The following EPHA3 variants were observed in gnomAD, a reference collection of about 807,000 sequenced individuals.
EPHA3 encodes the protein EPH receptor A3.
A neutral mutation model predicts 107.1 loss-of-function variants in EPHA3; 42 were observed. The ratio of observed to expected loss-of-function variants is 0.39; its 90% confidence interval spans 0.31 to 0.51. The LOEUF is 0.51. Ranked by LOEUF, EPHA3 falls within the 20% of genes least tolerant of loss-of-function variation. The probability of loss-of-function intolerance (pLI) is 0.78; values close to 1 mark genes in which losing one functional copy is unlikely to be tolerated. For synonymous variants in EPHA3, 461 were observed against 424.8 expected (o/e 1.09, Z -1.05); for missense variants, 1,183 against 1,211.2 (o/e 0.98, Z 0.35).
chr3:89,251,818 G>A (rs1485437458), intron 3 of EPHA3, among the ~76,000 whole-genome samples: 1 of 152,004 alleles, frequency 6.6e-6, no homozygotes, highest in Non-Finnish European at 1.5e-5. Context: ...AGATTGATTA[G>A]CATCACAGCC....
intron 1 of EPHA3, among the ~76,000 whole-genome samples, chr3:89,108,619 A>T (rs959393441): frequency 6.6e-6 from 1 of 152,168 alleles, no homozygotes; most frequent in Non-Finnish European, 1.5e-5. Flanking sequence ...CATTTCCTTG[A>T]TGTTGTGTTA....
intron 13 of EPHA3, among the ~76,000 whole-genome samples, chr3:89,443,269 C>T (rs1709818757): frequency 1.3e-5 from 2 of 152,064 alleles, no homozygotes; most frequent in African/African-American, 2.4e-5. Flanking sequence ...ATCTTTATAG[C>T]ATTCTACGAA....
At chr3:89,373,476 G>A (rs1431142086) in intron 5 of EPHA3, among the ~76,000 whole-genome samples, 1 of 151,790 alleles carries the variant, frequency 6.6e-6, no homozygotes, top group Non-Finnish European at 1.5e-5. Flanking sequence ...TTGTGAAATG[G>A]CAATGTTATT....
At chr3:89,173,076 G>A (rs1705243104) in intron 2 of EPHA3, among the ~76,000 whole-genome samples, 1 of 152,072 alleles carries the variant, frequency 6.6e-6, no homozygotes, top group Admixed American at 6.6e-5. Context: ...TACATAGGTA[G>A]AGATAGATAT....
intron 15 of EPHA3, among the ~76,000 whole-genome samples, chr3:89,469,720 CATTAT>C (rs1710363640): frequency 6.6e-6 from 1 of 152,130 alleles, no homozygotes; most frequent in Non-Finnish European, 1.5e-5. Context: ...ATATGTAAAA[CATTAT>C]ACAGTTTTAT....
chr3:89,233,196 C>T (rs1704677472), intron 3 of EPHA3, among the ~76,000 whole-genome samples: 1 of 151,756 alleles, frequency 6.6e-6, no homozygotes, highest in Non-Finnish European at 1.5e-5. Flanking sequence ...TATATTTTAG[C>T]CTATGTCTGA....
chr3:89,373,239 T>A (rs1000451011), intron 5 of EPHA3, among the ~76,000 whole-genome samples: 14 of 151,870 alleles, frequency 9.2e-5, no homozygotes, highest in African/African-American at 2.7e-4. Context: ...TTTCTTGTTG[T>A]TTTTTGTCAT....
intron 2 of EPHA3, among the ~76,000 whole-genome samples, chr3:89,166,944 C>T (rs1705085929): frequency 6.6e-6 from 1 of 152,122 alleles, no homozygotes; most frequent in African/African-American, 2.4e-5. Flanking sequence ...TCTGACAAGT[C>T]ACAGGCAGAA....
intron 13 of EPHA3, among the ~76,000 whole-genome samples, chr3:89,445,513 T>C (rs115706476): frequency 0.01 from 1,525 of 152,254 alleles, 27 homozygotes; most frequent in African/African-American, 0.035. Context: ...TGATCAATAG[T>C]AGTATCTGGA....
chr3:89,447,577 T>C (rs1709900020), intron 13 of EPHA3, among the ~76,000 whole-genome samples: 1 of 152,142 alleles, frequency 6.6e-6, no homozygotes, highest in African/African-American at 2.4e-5. Context: ...AATTTGACAT[T>C]TTAGCTTCCT....
At chr3:89,231,888 T>C (rs1033973235) in intron 3 of EPHA3, among the ~76,000 whole-genome samples, 1 of 152,170 alleles carries the variant, frequency 6.6e-6, no homozygotes, top group Admixed American at 6.5e-5. Flanking sequence ...TGGACAGTCA[T>C]GTAGAAATGG....
At chr3:89,324,401 A>G (rs1707118791) in intron 3 of EPHA3, among the ~76,000 whole-genome samples, 1 of 151,520 alleles carries the variant, frequency 6.6e-6, no homozygotes, top group Non-Finnish European at 1.5e-5. Flanking sequence ...ATCCTCCTGA[A>G]CTCAAGTGAT....
Position 89,466,472 on chromosome 3 carries a change from C to A in EPHA3, c.2691-5992C>A, listed in dbSNP as rs563306564. 5.3e-5 allele frequency among the ~76,000 whole-genome samples: 7 copies of A among 130,910 alleles called. No individual in the cohort carries two copies. In the South Asian group the frequency reaches 1.3e-3, roughly 25 times the overall value. 85.9% of individuals were successfully genotyped at this position (130,910 alleles called of 152,430 possible). A position where few individuals can be genotyped will look rare whatever the true frequency, so the allele number is the denominator to read the frequency against. ...GTTTGATCTCAGACTGCTGTGCTAGCAATCAGCGAGACTCCGTGGGCGTAG... is the reference window on the plus strand; with the variant it reads ...GTTTGATCTCAGACTGCTGTGCTAGAAATCAGCGAGACTCCGTGGGCGTAG... On this transcript the variant is annotated intron_variant, in intron 15 of 16. Transcript: ENST00000336596.
chr3:89,279,810 A>G (rs1431654027), intron 3 of EPHA3, among the ~76,000 whole-genome samples: 1 of 152,212 alleles, frequency 6.6e-6, no homozygotes, highest in Non-Finnish European at 1.5e-5. Context: ...AAAAATAACA[A>G]TAAATAATAT....
Position 89,480,316 on chromosome 3 carries a change from A to G in EPHA3, c.*814A>G. 1 of 233,156 alleles carries G rather than the reference A, an allele frequency of 4.3e-6. No homozygotes were observed. The highest frequency in any genetic ancestry group is 8.5e-6 in the Non-Finnish European group (1 of 117,816). The allele number at this position is 233,156 out of a possible 1,614,324, so 14.4% of individuals were successfully genotyped here. On this transcript the variant is annotated 3_prime_UTR_variant, in exon 17 of 17. Transcript: ENST00000336596. ...ATCCACTTACATATATTTTTAAAAA[A>G]TGAAATCCTTTTCCTGTTCATACAC...
intron 15 of EPHA3, among the ~76,000 whole-genome samples, chr3:89,453,389 TA>T (rs1007567616): frequency 2.3e-4 from 35 of 152,178 alleles, no homozygotes; most frequent in Non-Finnish European, 1.5e-5. Flanking sequence ...CATACTTTCA[TA>T]ATTCACTTTT....
chr3:89,444,978 T>C (rs1214592683), intron 13 of EPHA3, among the ~76,000 whole-genome samples: 1 of 152,184 alleles, frequency 6.6e-6, no homozygotes, highest in Non-Finnish European at 1.5e-5. Flanking sequence ...AACAGCTAAC[T>C]CTTGGCCAGG....
intron 2 of EPHA3, among the ~76,000 whole-genome samples, chr3:89,202,883 A>G (rs1396044389): frequency 2.6e-5 from 4 of 152,178 alleles, no homozygotes. Flanking sequence ...CAGATGTGAA[A>G]TAGAACACTG....
chr3:89,108,665 A>T (rs968938266), intron 1 of EPHA3, among the ~76,000 whole-genome samples: 1 of 152,210 alleles, frequency 6.6e-6, no homozygotes, highest in African/African-American at 2.4e-5. Context: ...ATTCCTTTTC[A>T]GTGGGTTAAA....
Sources: gnomAD v4.1 joint callset for allele counts (sites outside exome capture counted in the v4.1 genomes callset) on GRCh38, gnomAD v4.1.1 for gene constraint, MANE v1.5 for transcripts, NCBI Gene and HGNC (gene_info 2026-07-23, HGNC 2026-07-21) for gene names.